The following PKHD1 variants were observed in gnomAD, a reference collection of about 807,000 sequenced individuals.
The protein encoded by PKHD1 is fibrocystin.
PKHD1 carries 291 observed loss-of-function variants against 412.0 expected under a neutral mutation model. The observed-to-expected ratio is 0.71, with a 90% confidence interval of 0.64 to 0.78. The LOEUF (loss-of-function observed/expected upper bound fraction) is 0.78. Ranked by LOEUF, PKHD1 falls within the 30% of genes least tolerant of loss-of-function variation. The pLI is 0.00. For synonymous variants in PKHD1, 1,777 were observed against 1,821.5 expected (o/e 0.98, Z 0.62); for missense variants, 4,825 against 4,950.7 (o/e 0.97, Z 0.76).
intron 52 of PKHD1, among the ~76,000 whole-genome samples, chr6:51,820,236 G>A (rs1473607440): frequency 6.6e-6 from 1 of 152,046 alleles, no homozygotes; most frequent in Non-Finnish European, 1.5e-5. Context: ...CTAGGCAAAA[G>A]GATCTTCTAA....
At chr6:51,909,899 A>T (rs998175668) in intron 39 of PKHD1, among the ~76,000 whole-genome samples, 9 of 152,128 alleles carry the variant, frequency 5.9e-5, no homozygotes, top group Non-Finnish European at 1.2e-4. Context: ...AAGCTGTCCA[A>T]TGAGGTTTCC....
intron 43 of PKHD1, among the ~76,000 whole-genome samples, chr6:51,900,733 C>A (rs1343592436): frequency 2.0e-5 from 3 of 151,282 alleles, no homozygotes; most frequent in South Asian, 4.2e-4. Flanking sequence ...AGTGAACAGG[C>A]AACCTACAAA....
At chr6:52,055,434 A>C (rs1159836771) in intron 19 of PKHD1, among the ~76,000 whole-genome samples, 153 bp downstream of exon 19, 2 of 152,218 alleles carry the variant, frequency 1.3e-5, no homozygotes, top group East Asian at 3.8e-4. Context: ...TCATACCTGA[A>C]ACAGCAGTCG....
At chr6:52,073,129 C>T (rs775815424) in intron 7 of PKHD1, among the ~76,000 whole-genome samples, 2 of 152,274 alleles carry the variant, frequency 1.3e-5, no homozygotes, top group East Asian at 1.9e-4. Context: ...TGGGTTTACA[C>T]ATCATTTTAT....
At chr6:52,070,330 G>T in intron 10 of PKHD1, 76 bp downstream of exon 10, 1 of 940,160 alleles carries the variant, frequency 1.1e-6, no homozygotes, top group South Asian at 1.3e-5. Context: ...AAAAGATAAA[G>T]AAAGTAAGCA....
rs185962129 is a variant in PKHD1, at chr6:51,618,058, C to A, written c.*1023G>T. On this transcript the variant is annotated 3_prime_UTR_variant, in exon 67 of 67. Transcript: ENST00000371117. ...AGTTTGAAAAGAAATGGGCCCCGTACAAATGTGTGAATTTGGTGAAATTGC... is the reference window on the plus strand; with the variant it reads ...AGTTTGAAAAGAAATGGGCCCCGTAAAAATGTGTGAATTTGGTGAAATTGC... The A allele has an allele frequency of 1.3e-5, 2 of 152,312 alleles. No individual in the cohort carries two copies. Among genetic ancestry groups the A allele is most frequent in the South Asian group, 2.1e-4 (1 of 4,822 alleles). The allele number at this position is 152,312 out of a possible 1,614,324, so 9.4% of individuals were successfully genotyped here.
intron 36 of PKHD1, among the ~76,000 whole-genome samples, chr6:51,949,419 A>G (rs1266913): frequency 0.7 from 106,781 of 151,744 alleles, 38,065 homozygotes; most frequent in East Asian, 0.94. Flanking sequence ...ACCTTACTGC[A>G]CTGTGCTGCT....
intron 35 of PKHD1, among the ~76,000 whole-genome samples, chr6:51,964,379 C>T (rs1053229519): frequency 3.3e-5 from 5 of 152,092 alleles, no homozygotes; most frequent in African/African-American, 9.7e-5. Context: ...GTTCTGACAC[C>T]TCACCAAAAT....
At chr6:51,882,480 TGA>T in intron 46 of PKHD1, among the ~76,000 whole-genome samples, 1 of 152,344 alleles carries the variant, frequency 6.6e-6, no homozygotes, top group East Asian at 1.9e-4. Flanking sequence ...AGGAACAAAC[TGA>T]AGAGAATATT....
chr6:51,869,497 A>G (rs1775627931), intron 47 of PKHD1, among the ~76,000 whole-genome samples: 2 of 152,076 alleles, frequency 1.3e-5, no homozygotes, highest in Non-Finnish European at 2.9e-5. Context: ...TGTTTTTTAT[A>G]TTTGTACCCC....
chr6:51,798,215 C>T lies in PKHD1; in HGVS notation c.8303-6842G>A, dbSNP rs558778851. The stretch of plus-strand genomic sequence containing the variant: ...CCAACATGGCAAAACCTCGTCTCTA[C>T]TAAAAATACAAAAATTAGCCAGGCA... On this transcript the variant is annotated intron_variant, in intron 52 of 66. Coordinates refer to ENST00000371117, the MANE Select transcript of PKHD1 (RefSeq NM_138694.4). Among the ~76,000 whole-genome samples, 6 of 152,152 alleles carry T rather than the reference C, an allele frequency of 3.9e-5. No homozygotes were observed. In the South Asian group the frequency reaches 1.2e-3, roughly 32 times the overall value.
At chr6:51,687,151 G>A (rs1335825518) in intron 60 of PKHD1, among the ~76,000 whole-genome samples, 1 of 152,098 alleles carries the variant, frequency 6.6e-6, no homozygotes, top group African/African-American at 2.4e-5. Context: ...CCTTCACAGA[G>A]AGGAATGAAT....
rs1269070107 is a variant in PKHD1 at position 51,619,377 on chromosome 6, A to G, written c.11929T>C (p.Ser3977Pro). Reference protein sequence around the residue: ...VPAPGTTGITSHGHICAPGAP... With the variant: ...VPAPGTTGITPHGHICAPGAP... ...CCTGGAGCACAGATGTGCCCATGGG[A>G]TGTGATGCCAGTAGTACCAGGAGCA... Residue 3977 changes from serine to proline, a missense_variant, in exon 67 of 67, where the codon TCC becomes CCC. By Grantham distance (74) the Ser-to-Pro change is moderately conservative. Coordinates refer to ENST00000371117, the MANE Select transcript of PKHD1 (RefSeq NM_138694.4). 1.2e-6 allele frequency: 2 copies of G among 1,613,838 alleles called. No individual in the cohort carries two copies. Among genetic ancestry groups the G allele is most frequent in the South Asian group, 2.2e-5 (2 of 91,084 alleles).
intron 48 of PKHD1, among the ~76,000 whole-genome samples, chr6:51,860,931 A>G (rs2151720217): frequency 6.6e-6 from 1 of 151,162 alleles, no homozygotes; most frequent in African/African-American, 2.4e-5. Flanking sequence ...CCTGCCTCAG[A>G]CTCCTGAGTA....
At chr6:51,797,686 A>C (rs1234850576) in intron 52 of PKHD1, among the ~76,000 whole-genome samples, 1 of 152,040 alleles carries the variant, frequency 6.6e-6, no homozygotes, top group Non-Finnish European at 1.5e-5. Flanking sequence ...TTTTGAACCT[A>C]TGTGTGTCTT....
chr6:51,961,953 G>A (rs900382845), intron 35 of PKHD1, among the ~76,000 whole-genome samples: 3 of 152,050 alleles, frequency 2.0e-5, no homozygotes, highest in African/African-American at 7.2e-5. Context: ...CTCAAGAATT[G>A]GGACCCAGAG....
At chr6:52,021,712 T>C (rs1027380760) in intron 33 of PKHD1, among the ~76,000 whole-genome samples, 1 of 152,174 alleles carries the variant, frequency 6.6e-6, no homozygotes, top group Non-Finnish European at 1.5e-5. Flanking sequence ...ATTTCTAGCA[T>C]TTTAACAAAA....
intron 29 of PKHD1, among the ~76,000 whole-genome samples, chr6:52,031,562 G>A (rs1803032590): frequency 6.6e-6 from 1 of 152,218 alleles, no homozygotes; most frequent in South Asian, 2.1e-4. Context: ...ACAAGTGGTT[G>A]AGCTGGGATT....
intron 20 of PKHD1, among the ~76,000 whole-genome samples, chr6:52,053,755 C>T (rs1807259457): frequency 6.6e-6 from 1 of 152,178 alleles, no homozygotes; most frequent in Non-Finnish European, 1.5e-5. Flanking sequence ...TTTCCTCTTT[C>T]TGTCATGTCA....
Sources: gnomAD v4.1 joint callset for allele counts (sites outside exome capture counted in the v4.1 genomes callset) on GRCh38, gnomAD v4.1.1 for gene constraint, MANE v1.5 for transcripts, NCBI Gene and HGNC (gene_info 2026-07-23, HGNC 2026-07-21) for gene names.